Variants in TUBB8B observed in about 807,000 individuals in gnomAD.
TUBB8B encodes tubulin beta 8B.
In TUBB8B, 26 loss-of-function variants were observed where a neutral mutation model predicts 31.9. That is an observed-to-expected ratio of 0.81 (90% CI 0.60 to 1.13). The LOEUF is 1.13. Among genes scored for constraint, TUBB8B ranks in the 50% most tolerant of loss-of-function variants. The probability of loss-of-function intolerance (pLI) is 0.00; values close to 1 mark genes in which losing one functional copy is unlikely to be tolerated. For missense variants in TUBB8B, 467 were observed against 586.7 expected (o/e 0.80, Z 2.11); for synonymous variants, 173 against 231.0 (o/e 0.75, Z 2.28).
the TUBB8B span, among the ~76,000 whole-genome samples, chr18:57,712 T>C: frequency 1.3e-5 from 2 of 151,894 alleles, no homozygotes; most frequent in African/African-American, 4.8e-5. Context: ...ACATGGGGAT[T>C]GTAACCCTAC....
rs1905802768 is a variant in TUBB8B, at chr18:48,211, AGGG to A, written c.511_513del (p.Pro171del). ...ACCACGGTGTCCGACACCTTGGGCG[AGGG>A]CAGGATGCTGAATGTGTTTATGATC... On this transcript the variant is annotated inframe_deletion, in exon 4 of 4. Coordinates refer to ENST00000308911, the MANE Select transcript of TUBB8B (RefSeq NM_001358689.2). 1 of 1,609,414 alleles carries A rather than the reference AGGG, an allele frequency of 6.2e-7. No individual in the cohort carries two copies. Among genetic ancestry groups the A allele is most frequent in the African/African-American group, 1.3e-5 (1 of 74,868 alleles).
At chr18:57,065 A>G in the TUBB8B span, among the ~76,000 whole-genome samples, 2 of 151,822 alleles carry the variant, frequency 1.3e-5, no homozygotes, top group Non-Finnish European at 2.9e-5. Flanking sequence ...GCCCACTTCC[A>G]ACATTGAGGA....
chr18:73,297 A>T, the TUBB8B span: 1 of 165,204 alleles, frequency 6.1e-6, no homozygotes, highest in African/African-American at 2.4e-5. Context: ...CGCGGGCAGG[A>T]AGCCTTTTCC....
chr18:71,321 G>A, the TUBB8B span, among the ~76,000 whole-genome samples: 1 of 151,936 alleles, frequency 6.6e-6, no homozygotes, highest in Non-Finnish European at 1.5e-5. Context: ...GCAAAGGCAG[G>A]TGGATCACTT....
chr18:64,898 A>T, the TUBB8B span, among the ~76,000 whole-genome samples: 1 of 152,148 alleles, frequency 6.6e-6, no homozygotes, highest in Non-Finnish European at 1.5e-5. Flanking sequence ...TAAATAGTAA[A>T]CCAACCCATA....
At chr18:56,448 T>C in the TUBB8B span, among the ~76,000 whole-genome samples, 1 of 151,894 alleles carries the variant, frequency 6.6e-6, no homozygotes, top group African/African-American at 2.4e-5. Flanking sequence ...TCTTCCAATA[T>C]GTGAACATAG....
chr18:65,810 C>T, the TUBB8B span, among the ~76,000 whole-genome samples: 1 of 152,170 alleles, frequency 6.6e-6, no homozygotes. Flanking sequence ...AATATCATGA[C>T]AAACCCCCAA....
upstream of TUBB8B, among the ~76,000 whole-genome samples, chr18:52,844 G>A (rs183942170): frequency 0.1 from 15,448 of 151,374 alleles, 1,199 homozygotes; most frequent in South Asian, 0.19. Flanking sequence ...GAGCAGGAAT[G>A]CATTGTCTTT....
the TUBB8B span, among the ~76,000 whole-genome samples, chr18:67,565 A>C: frequency 5.9e-5 from 9 of 152,248 alleles, no homozygotes; most frequent in Middle Eastern, 6.8e-3. Context: ...TTCATTCTAA[A>C]ATTTTAAAAA....
chr18:64,553 C>T, the TUBB8B span, among the ~76,000 whole-genome samples: 4 of 151,792 alleles, frequency 2.6e-5, no homozygotes, highest in East Asian at 1.9e-4. Context: ...GGGAAACCCC[C>T]ATCTCCACTT....
chr18:58,421 TA>T, the TUBB8B span, among the ~76,000 whole-genome samples: 5 of 151,702 alleles, frequency 3.3e-5, no homozygotes, highest in African/African-American at 1.2e-4. Context: ...ACAGAAACCC[TA>T]AATCATCACT....
chr18:49,665 C>G (rs1905987868), upstream of TUBB8B: 1 of 712,338 alleles, frequency 1.4e-6, no homozygotes, highest in Non-Finnish European at 2.6e-6. Context: ...GTCCACCTCC[C>G]TCAGCCTCCG....
At chr18:71,311 G>A in the TUBB8B span, among the ~76,000 whole-genome samples, 2 of 151,936 alleles carry the variant, frequency 1.3e-5, no homozygotes, top group African/African-American at 4.8e-5. Flanking sequence ...AATTTGGGAG[G>A]CAAAGGCAGG....
rs4798106 is a variant in TUBB8B at position 48,387 on chromosome 18, G to T, written c.338C>A (p.Thr113Lys). The T allele has an allele frequency of 3.2e-5, 45 of 1,393,802 alleles. No individual in the cohort carries two copies. Among genetic ancestry groups the T allele is most frequent in the Non-Finnish European group, 4.1e-5 (41 of 1,001,222 alleles). 86.3% of individuals were successfully genotyped at this position (1,393,802 alleles called of 1,614,324 possible). The change falls in exon 4 of 4, where the codon ACG becomes AAG. Residue 113 changes from threonine (T) to lysine (K), a missense_variant. By Grantham distance (78) the Thr-to-Lys change is moderately conservative (BLOSUM62 -1). Around this residue, in one of 2 missense-constraint regions of TUBB8B, gnomAD observed 259 missense variants for 380.1 expected, o/e 0.68. Coordinates refer to ENST00000308911, the MANE Select transcript of TUBB8B (RefSeq NM_001358689.2). ...KGRYTEGAELTESVMDVVRKE... is the reference protein window; with the variant it reads ...KGRYTEGAELKESVMDVVRKE... ...TCTGACAACGTCCATCACTGACTCC[G>T]TCAGCTCCGCGCCTTCTGTGTAGCG... is the stretch of plus-strand genomic sequence containing the variant.
At chr18:50,094 G>A (rs1198404094), upstream of TUBB8B, 2 of 356,682 alleles carry the variant, frequency 5.6e-6, no homozygotes, top group Non-Finnish European at 1.1e-5. Flanking sequence ...AGATAGTCAG[G>A]CGTCTGATTT....
chr18:53,898 AC>A (rs1037335891), upstream of TUBB8B, among the ~76,000 whole-genome samples: 10 of 151,858 alleles, frequency 6.6e-5, no homozygotes, highest in African/African-American at 2.4e-4. Flanking sequence ...TAAATTAATT[AC>A]AATGGAAACC....
the TUBB8B span, among the ~76,000 whole-genome samples, chr18:62,269 T>A: frequency 1.3e-5 from 2 of 151,704 alleles, no homozygotes; most frequent in South Asian, 4.2e-4. Context: ...GAATCATATC[T>A]TTATCCTTAA....
upstream of TUBB8B, among the ~76,000 whole-genome samples, chr18:53,451 G>A (rs1393917512): frequency 7.9e-5 from 12 of 150,970 alleles, 1 homozygote; most frequent in East Asian, 1.9e-3. Flanking sequence ...GGAACACAAT[G>A]AGATTTTTAT....
At chr18:60,030 T>C in the TUBB8B span, among the ~76,000 whole-genome samples, 2 of 151,846 alleles carry the variant, frequency 1.3e-5, no homozygotes, top group Non-Finnish European at 2.9e-5. Context: ...GTTTGCTTTT[T>C]AAATGTGTCT....
Sources: gnomAD v4.1 joint callset for allele counts (sites outside exome capture counted in the v4.1 genomes callset) on GRCh38, gnomAD v4.1.1 for gene constraint, gnomAD v4.1.1 regional missense constraint, MANE v1.5 for transcripts, NCBI Gene and HGNC (gene_info 2026-07-23, HGNC 2026-07-21) for gene names.